Variants in NKAIN3 observed in about 807,000 individuals in gnomAD.
NKAIN3 encodes the protein sodium/potassium-transporting ATPase subunit beta-1-interacting protein 3.
NKAIN3 carries 25 observed loss-of-function variants against 30.2 expected under a neutral mutation model. That is an observed-to-expected ratio of 0.83 (90% CI 0.60 to 1.16). NKAIN3 has a LOEUF of 1.16. Among genes scored for constraint, NKAIN3 ranks in the 50% most tolerant of loss-of-function variants. NKAIN3 has a pLI of 0.00. For missense variants in NKAIN3, 225 were observed against 254.1 expected (o/e 0.89, Z 0.78); for synonymous variants, 91 against 89.6 (o/e 1.02, Z -0.09).
At chr8:62,932,822 C>T (rs1233872053) in intron 5 of NKAIN3, among the ~76,000 whole-genome samples, 3 of 152,076 alleles carry the variant, frequency 2.0e-5, no homozygotes, top group South Asian at 2.1e-4. Context: ...CATGCAGCCT[C>T]GAACTCCTGA....
At chr8:62,331,040 C>T (rs1219736474) in intron 1 of NKAIN3, among the ~76,000 whole-genome samples, 1 of 150,128 alleles carries the variant, frequency 6.7e-6, no homozygotes, top group Non-Finnish European at 1.5e-5. Flanking sequence ...CTCCCTTCCT[C>T]CCTCCTCTTC....
At chr8:62,479,519 A>G (rs1806639399) in intron 1 of NKAIN3, among the ~76,000 whole-genome samples, 1 of 152,158 alleles carries the variant, frequency 6.6e-6, no homozygotes, top group Non-Finnish European at 1.5e-5. Flanking sequence ...AGCTCTTGCT[A>G]GAACTGTTAG....
chr8:62,299,497 G>T (rs1813966544), intron 1 of NKAIN3, among the ~76,000 whole-genome samples: 1 of 152,124 alleles, frequency 6.6e-6, no homozygotes, highest in Non-Finnish European at 1.5e-5. Flanking sequence ...TTGCTATAGT[G>T]AGTGCTCCTC....
chr8:62,595,501 G>C lies in NKAIN3; in HGVS notation c.273+5707G>C, dbSNP rs1026847890. 2.0e-5 allele frequency among the ~76,000 whole-genome samples: 3 copies of C among 150,118 alleles called. No homozygotes were observed. In the East Asian group the frequency reaches 6.0e-4, roughly 30 times the overall value. On this transcript the variant is annotated intron_variant, in intron 3 of 6. Transcript: ENST00000623646. Reference sequence around the variant, plus strand: ...GTTGCCATTGCCAGCTCCAATACCTGGGTTTATATCCCGATCCTTGTCCCT... The same window carrying C: ...GTTGCCATTGCCAGCTCCAATACCTCGGTTTATATCCCGATCCTTGTCCCT...
At chr8:62,655,439 G>A (rs1032092018) in intron 3 of NKAIN3, among the ~76,000 whole-genome samples, 3 of 152,092 alleles carry the variant, frequency 2.0e-5, no homozygotes, top group African/African-American at 4.8e-5. Context: ...AAGAAAGGAG[G>A]CCATTTAGGA....
intron 1 of NKAIN3, among the ~76,000 whole-genome samples, chr8:62,296,943 C>T (rs542525753): frequency 3.3e-5 from 5 of 152,260 alleles, no homozygotes; most frequent in Non-Finnish European, 7.4e-5. Context: ...TATAGAGACC[C>T]AAGACCCTCA....
At chr8:62,265,036 G>A (rs1812562168) in intron 1 of NKAIN3, among the ~76,000 whole-genome samples, 1 of 152,146 alleles carries the variant, frequency 6.6e-6, no homozygotes, top group African/African-American at 2.4e-5. Context: ...AGTGATATCA[G>A]AAGCATACAG....
At chr8:62,917,322 C>T (rs1822138405) in intron 4 of NKAIN3, among the ~76,000 whole-genome samples, 2 of 152,212 alleles carry the variant, frequency 1.3e-5, no homozygotes, top group South Asian at 4.1e-4. Context: ...GCTTTCGCAG[C>T]ACCCCCTCAC....
At position 62,823,583 on chromosome 8, in the gene NKAIN3, C is replaced by T. The variant is rs17265709; in HGVS notation, c.471+76454C>T. On this transcript the variant is annotated intron_variant, in intron 4 of 6. Transcript: ENST00000623646. ...CAAAAAGAAGAATGTTGCTTTGAGA[C>T]GATTAAAACAGACTGATTAAGAAAG... is the stretch of plus-strand genomic sequence containing the variant. 3.1e-3 allele frequency among the ~76,000 whole-genome samples: 475 copies of T among 152,206 alleles called. 1 individual carries two copies. Among genetic ancestry groups the T allele is most frequent in the Non-Finnish European group, 5.2e-3 (351 of 68,014 alleles).
At chr8:62,877,005 A>T (rs1178505192) in intron 4 of NKAIN3, among the ~76,000 whole-genome samples, 1 of 151,288 alleles carries the variant, frequency 6.6e-6, no homozygotes, top group Admixed American at 6.6e-5. Flanking sequence ...AAAGAAAAGG[A>T]GAGAGAGAGA....
chr8:62,683,642 G>A (rs1483889039), intron 3 of NKAIN3, among the ~76,000 whole-genome samples: 1 of 152,088 alleles, frequency 6.6e-6, no homozygotes, highest in Non-Finnish European at 1.5e-5. Context: ...CTATAATCTT[G>A]ACTTTCATTC....
intron 1 of NKAIN3, among the ~76,000 whole-genome samples, chr8:62,521,898 T>G (rs540304104): frequency 5.1e-4 from 77 of 152,256 alleles, no homozygotes; most frequent in Admixed American, 5.2e-4. Context: ...TCTGAATTCT[T>G]AAACGCTATA....
intron 1 of NKAIN3, among the ~76,000 whole-genome samples, chr8:62,408,116 A>G (rs752008586): frequency 1.3e-5 from 2 of 152,138 alleles, no homozygotes; most frequent in Admixed American, 1.3e-4. Context: ...ATTTATTTTC[A>G]CCACATATTT....
chr8:62,802,027 A>G (rs1412126076), intron 4 of NKAIN3, among the ~76,000 whole-genome samples: 3 of 152,230 alleles, frequency 2.0e-5, no homozygotes, highest in Non-Finnish European at 4.4e-5. Context: ...CAGTGATGGA[A>G]GATGAAATGA....
At position 62,965,827 on chromosome 8, in the gene NKAIN3, T is replaced by C. The variant is rs1216062150; in HGVS notation, c.*420T>C. The C allele has an allele frequency of 1.0e-6, 1 of 985,044 alleles. No individual in the cohort carries two copies. Among genetic ancestry groups the C allele is most frequent in the Non-Finnish European group, 1.2e-6 (1 of 829,742 alleles). The allele number at this position is 985,044 out of a possible 1,614,324, so 61.0% of individuals were successfully genotyped here. Reference sequence around the variant, plus strand: ...CCTGATGAATTTGTTTTAGCAGACATTACCTGTGGTTATCAGCCACCAAGG... The same window carrying C: ...CCTGATGAATTTGTTTTAGCAGACACTACCTGTGGTTATCAGCCACCAAGG... On this transcript the variant is annotated 3_prime_UTR_variant, in exon 7 of 7. Transcript: ENST00000623646.
In NKAIN3 at chr8:62,614,560, C is replaced by T. The variant is rs564947198; in HGVS notation, c.273+24766C>T. On this transcript the variant is annotated intron_variant, in intron 3 of 6. Transcript: ENST00000623646. Reference sequence around the variant, plus strand: ...GATCTACAATCAGCAGGTGGCAAAACCAACTAGGCCTGTGAGCTTCCCTTC... The same window carrying T: ...GATCTACAATCAGCAGGTGGCAAAATCAACTAGGCCTGTGAGCTTCCCTTC... 4.6e-5 allele frequency among the ~76,000 whole-genome samples: 7 copies of T among 152,228 alleles called. No homozygotes were observed. The South Asian group carries it at 1.0e-3, about 23-fold the overall frequency.
At chr8:62,549,161 A>G (rs899984259) in intron 1 of NKAIN3, among the ~76,000 whole-genome samples, 1 of 152,196 alleles carries the variant, frequency 6.6e-6, no homozygotes, top group African/African-American at 2.4e-5. Context: ...AAATTTGCTG[A>G]AACTCACAGG....
chr8:62,385,338 A>G (rs576526841), intron 1 of NKAIN3, among the ~76,000 whole-genome samples: 2 of 152,282 alleles, frequency 1.3e-5, no homozygotes, highest in South Asian at 2.1e-4. Flanking sequence ...TTGGAAGCCT[A>G]TGGTGGGTAT....
chr8:62,506,911 C>T (rs538898562), intron 1 of NKAIN3, among the ~76,000 whole-genome samples: 1 of 152,234 alleles, frequency 6.6e-6, no homozygotes, highest in African/African-American at 2.4e-5. Context: ...TTTCTCGACA[C>T]CTGATGTAGA....
Sources: allele counts gnomAD v4.1 joint callset (sites outside exome capture counted in the v4.1 genomes callset), GRCh38; gene constraint gnomAD v4.1.1; transcripts MANE v1.5; gene names NCBI Gene and HGNC (gene_info 2026-07-23, HGNC 2026-07-21).